The following DGKI variants were observed in gnomAD, a reference collection of about 807,000 sequenced individuals.
The protein encoded by DGKI is DAG kinase iota.
DGKI carries 55 observed loss-of-function variants against 147.5 expected under a neutral mutation model. That is an observed-to-expected ratio of 0.37 (90% confidence interval 0.30 to 0.47). DGKI has a LOEUF of 0.47. Ranked by LOEUF, DGKI falls within the 20% of genes least tolerant of loss-of-function variation. The pLI, the probability that DGKI is intolerant of heterozygous loss-of-function variation, is 1.00. For synonymous variants in DGKI, 469 were observed against 477.1 expected (o/e 0.98, Z 0.22); for missense variants, 1,007 against 1,323.8 (o/e 0.76, Z 3.71).
intron 20 of DGKI, among the ~76,000 whole-genome samples, chr7:137,534,890 AGTT>A (rs1817466062): frequency 6.6e-6 from 1 of 152,130 alleles, no homozygotes; most frequent in African/African-American, 2.4e-5. Context: ...GTTTAAATGA[AGTT>A]GTTAGAGTGG....
At chr7:137,698,893 C>A (rs975174988) in intron 1 of DGKI, among the ~76,000 whole-genome samples, 1 of 152,102 alleles carries the variant, frequency 6.6e-6, no homozygotes, top group Admixed American at 6.5e-5. Context: ...AAGGGCCACA[C>A]AATAGAAAGG....
chr7:137,713,658 T>C (rs961002302), intron 1 of DGKI, among the ~76,000 whole-genome samples: 18 of 152,198 alleles, frequency 1.2e-4, no homozygotes, highest in African/African-American at 4.3e-4. Flanking sequence ...ATTTTTATTT[T>C]AGAGACAGGG....
chr7:137,623,644 G>T (rs1820829761), intron 6 of DGKI, 90 bp from the exon 7 acceptor site: 2 of 1,097,842 alleles, frequency 1.8e-6, no homozygotes, highest in Non-Finnish European at 2.8e-6. Context: ...CGTGAATAAG[G>T]CCAGAAGGCC....
chr7:137,589,693 C>T (rs1819539247), intron 12 of DGKI, among the ~76,000 whole-genome samples: 1 of 152,094 alleles, frequency 6.6e-6, no homozygotes, highest in Non-Finnish European at 1.5e-5. Context: ...CAGAAAAAGC[C>T]CACCCATCTG....
Position 137,577,249 on chromosome 7 carries a change from T to C in DGKI, c.1734A>G (p.Arg578=). The stretch of plus-strand genomic sequence containing the variant: ...CAACTTTAACATGTTTGGATAGATC[T>C]CTAGAACTTCTCTGTAGGAAGTCAG... ...AFSDFLQRSS[R]DLSKHVKVVC... The change falls in exon 17 of 33, where the codon AGA becomes AGG. Residue 578 remains arginine (R), a synonymous_variant. Coordinates refer to ENST00000614521, the MANE Select transcript of DGKI (RefSeq NM_001321708.2). 6.2e-7 allele frequency: 1 copy of C among 1,600,284 alleles called. No homozygotes were observed. Among genetic ancestry groups the C allele is most frequent in the Non-Finnish European group, 8.5e-7 (1 of 1,170,880 alleles).
At chr7:137,844,266 A>G (rs1330567184) in intron 1 of DGKI, among the ~76,000 whole-genome samples, 2 of 152,140 alleles carry the variant, frequency 1.3e-5, no homozygotes, top group Non-Finnish European at 2.9e-5. Context: ...AGGCACAAAC[A>G]TGCTCCAGAT....
chr7:137,615,861 C>T (rs1346516483), intron 8 of DGKI, among the ~76,000 whole-genome samples: 1 of 151,948 alleles, frequency 6.6e-6, no homozygotes, highest in African/African-American at 2.4e-5. Context: ...TTTAATTGTT[C>T]GGTATTACAC....
At chr7:137,753,774 T>C (rs1795590044) in intron 1 of DGKI, among the ~76,000 whole-genome samples, 1 of 152,126 alleles carries the variant, frequency 6.6e-6, no homozygotes, top group African/African-American at 2.4e-5. Context: ...TCTATTGCCA[T>C]GAGCAATTCA....
rs1298704047 is a variant in DGKI, at chr7:137,519,963, C to T, written c.2248+1903G>A. On this transcript the variant is annotated intron_variant, in intron 21 of 32. Transcript: ENST00000614521. ...TATGTGTTCTTTGGGGTCCCAAAGA[C>T]ACTGTTCAATTTATTTGGCTTACAT... 2.0e-5 allele frequency among the ~76,000 whole-genome samples: 3 copies of T among 152,154 alleles called. No individual in the cohort carries two copies. The East Asian group carries it at 5.8e-4, about 29-fold the overall frequency.
At chr7:137,844,805 C>T (rs1048673395) in intron 1 of DGKI, among the ~76,000 whole-genome samples, 1 of 152,180 alleles carries the variant, frequency 6.6e-6, no homozygotes, top group African/African-American at 2.4e-5. Context: ...ATTTCCCTTG[C>T]AAACTCTGGC....
At chr7:137,735,908 G>A (rs995639335) in intron 1 of DGKI, among the ~76,000 whole-genome samples, 6 of 152,010 alleles carry the variant, frequency 3.9e-5, no homozygotes, top group East Asian at 1.9e-4. Context: ...GCTACCGTCC[G>A]CTATGTCAGT....
At chr7:137,480,151 C>T (rs1265337223) in intron 23 of DGKI, among the ~76,000 whole-genome samples, 2 of 152,170 alleles carry the variant, frequency 1.3e-5, no homozygotes, top group Non-Finnish European at 2.9e-5. Flanking sequence ...ACTGTCTTCA[C>T]TCGTAAGAGA....
intron 1 of DGKI, chr7:137,722,784 G>C (rs1794606649): frequency 7.3e-7 from 1 of 1,369,344 alleles, no homozygotes; most frequent in Admixed American, 1.7e-5. Flanking sequence ...CTATTCCTCA[G>C]CTCCAGGGCT....
At chr7:137,551,042 G>T (rs894085879) in intron 20 of DGKI, among the ~76,000 whole-genome samples, 1 of 152,218 alleles carries the variant, frequency 6.6e-6, no homozygotes, top group African/African-American at 2.4e-5. Context: ...AGCAGGCACG[G>T]AGGACAGGAG....
At chr7:137,670,433 C>A (rs1461375517) in intron 3 of DGKI, among the ~76,000 whole-genome samples, 2 of 152,154 alleles carry the variant, frequency 1.3e-5, no homozygotes, top group East Asian at 3.9e-4. Context: ...GAGGGTCTAC[C>A]ATGTGCCAGA....
chr7:137,409,936 C>A (rs1812100004), intron 29 of DGKI, among the ~76,000 whole-genome samples: 1 of 152,088 alleles, frequency 6.6e-6, no homozygotes, highest in Non-Finnish European at 1.5e-5. Flanking sequence ...CAAACATATA[C>A]ACATGTATCC....
At chr7:137,395,751 G>A in intron 31 of DGKI, 54 bp from the exon 32 acceptor site, 2 of 1,545,488 alleles carry the variant, frequency 1.3e-6, no homozygotes, top group South Asian at 2.2e-5. Flanking sequence ...AGGCAGCAGG[G>A]AATGGGTGAG....
At chr7:137,776,208 T>C (rs1290494915) in intron 1 of DGKI, among the ~76,000 whole-genome samples, 1 of 152,150 alleles carries the variant, frequency 6.6e-6, no homozygotes, top group Admixed American at 6.5e-5. Flanking sequence ...ATGCAATGAG[T>C]GAATCATTGG....
chr7:137,533,596 T>C (rs914185234), intron 20 of DGKI, among the ~76,000 whole-genome samples: 3 of 152,172 alleles, frequency 2.0e-5, no homozygotes, highest in Non-Finnish European at 2.9e-5. Flanking sequence ...TTACTTTTCC[T>C]GGACAACAAA....
Sources: allele counts gnomAD v4.1 joint callset (sites outside exome capture counted in the v4.1 genomes callset), GRCh38; gene constraint gnomAD v4.1.1; transcripts MANE v1.5; gene names NCBI Gene and HGNC (gene_info 2026-07-23, HGNC 2026-07-21).